MEI1: variants seen among roughly 807,000 people sequenced by gnomAD.
The protein encoded by MEI1 is meiotic double-stranded break formation protein 1, also known as meiosis inhibitor protein 1.
A neutral mutation model predicts 146.2 loss-of-function variants in MEI1; 103 were observed. The observed-to-expected ratio is 0.70, with a 90% confidence interval of 0.60 to 0.83. The LOEUF (loss-of-function observed/expected upper bound fraction) is 0.83. Ranked by LOEUF, MEI1 falls within the 40% of genes least tolerant of loss-of-function variation. The probability of loss-of-function intolerance (pLI) is 0.00; values close to 1 mark genes in which losing one functional copy is unlikely to be tolerated. For missense variants in MEI1, 1,529 were observed against 1,533.0 expected (o/e 1.00, Z 0.04); for synonymous variants, 652 against 628.2 (o/e 1.04, Z -0.57).
At chr22:41,700,318 G>A (rs1012772775) in intron 1 of MEI1, among the ~76,000 whole-genome samples, 4 of 152,208 alleles carry the variant, frequency 2.6e-5, no homozygotes, top group African/African-American at 7.2e-5. Flanking sequence ...ATTGCCTACC[G>A]CGTTTGCAAT....
At chr22:41,739,572 T>A (rs1417635890) in intron 11 of MEI1, among the ~76,000 whole-genome samples, 1 of 136,140 alleles carries the variant, frequency 7.3e-6, no homozygotes, top group African/African-American at 3.6e-5. Flanking sequence ...AAAAATAGCA[T>A]TTACGTGACA....
chr22:41,781,499 T>C, intron 23 of MEI1, 105 bp downstream of exon 23: 1 of 1,182,768 alleles, frequency 8.5e-7, no homozygotes, highest in Non-Finnish European at 1.2e-6. Flanking sequence ...TGTGTGTGGC[T>C]GGTGGTCATA....
At chr22:41,743,277 T>G in intron 12 of MEI1, 83 bp downstream of exon 12, 2 of 949,670 alleles carry the variant, frequency 2.1e-6, no homozygotes, top group South Asian at 3.0e-5. Context: ...CCCTTACTTT[T>G]GTATGCTATT....
At position 41,795,203 on chromosome 22, in the gene MEI1, A is replaced by C. The variant is rs1376938067; in HGVS notation, c.3535-208A>C. On this transcript the variant is annotated intron_variant, in intron 28 of 30. Transcript: ENST00000401548. The surrounding 1 kb of genome is among the most constrained non-coding windows in gnomAD (Gnocchi z 4.2). ...CAAGGCCAAAGGGGTCAGGAGGGCC[A>C]GCTCTCTCAGGATCTCACAGGTTGC... 2.6e-5 allele frequency among the ~76,000 whole-genome samples: 4 copies of C among 152,176 alleles called. No homozygotes were observed. Among genetic ancestry groups the C allele is most frequent in the Non-Finnish European group, 5.9e-5 (4 of 68,034 alleles).
At chr22:41,730,868 A>G (rs1027423699) in intron 9 of MEI1, among the ~76,000 whole-genome samples, 1 of 152,158 alleles carries the variant, frequency 6.6e-6, no homozygotes, top group Non-Finnish European at 1.5e-5. Context: ...CAGCAAGGGA[A>G]GGACACTTCT....
intron 19 of MEI1, among the ~76,000 whole-genome samples, chr22:41,764,799 A>G (rs73426996): frequency 0.019 from 2,827 of 152,288 alleles, 90 homozygotes; most frequent in African/African-American, 0.064. Flanking sequence ...GAAGATACCA[A>G]TACCTTAGAG....
intron 3 of MEI1, among the ~76,000 whole-genome samples, chr22:41,711,235 C>T (rs868067442): frequency 1.3e-5 from 2 of 151,880 alleles, no homozygotes; most frequent in African/African-American, 2.4e-5. Context: ...TGCAGTGGCG[C>T]GATCTCGGCT....
intron 11 of MEI1, among the ~76,000 whole-genome samples, 159 bp downstream of exon 11, chr22:41,732,762 C>A (rs1425977038): frequency 4.0e-5 from 6 of 151,566 alleles, no homozygotes; most frequent in Non-Finnish European, 8.8e-5. Context: ...ATTCAACCAA[C>A]CATGGATTGA....
intron 1 of MEI1, among the ~76,000 whole-genome samples, chr22:41,702,375 A>G (rs2068774921): frequency 6.6e-6 from 1 of 151,872 alleles, no homozygotes; most frequent in Middle Eastern, 3.2e-3. Flanking sequence ...GCCTGACCTC[A>G]GGTGAGCCAC....
intron 21 of MEI1, among the ~76,000 whole-genome samples, chr22:41,777,451 C>G (rs1157297623): frequency 6.6e-6 from 1 of 152,112 alleles, no homozygotes; most frequent in Non-Finnish European, 1.5e-5. Context: ...CTACCACACT[C>G]GGCCTAAAAT....
intron 20 of MEI1, among the ~76,000 whole-genome samples, chr22:41,775,616 C>T (rs2075399436): frequency 7.3e-6 from 1 of 137,710 alleles, no homozygotes; most frequent in African/African-American, 2.7e-5. Context: ...TTTTTTGAGA[C>T]AGAGTTTTGC....
chr22:41,752,626 A>T lies in MEI1; in HGVS notation c.1828A>T (p.Lys610Ter), dbSNP rs75110549. ...SSFIRLTLEL[K>*]ARFCSGLSHS... ...CTTCATACGACTGACCCTGGAGCTG[A>T]AGGCCAGGTTTTGCAGTGGTCTGAG... is the stretch of plus-strand genomic sequence containing the variant. The change falls in exon 16 of 31, where the codon AAG becomes TAG. Residue 610 changes from lysine (K) to a stop codon, truncating the protein, a stop_gained. Coordinates refer to ENST00000401548, the MANE Select transcript of MEI1 (RefSeq NM_152513.4). LOFTEE classifies it high-confidence loss of function. 1.9e-6 allele frequency: 3 copies of T among 1,599,758 alleles called. No homozygotes were observed. The highest frequency in any genetic ancestry group is 2.7e-5 in the African/African-American group (2 of 74,818).
At chr22:41,736,352 C>A (rs1489182951) in intron 11 of MEI1, among the ~76,000 whole-genome samples, 1 of 151,586 alleles carries the variant, frequency 6.6e-6, no homozygotes, top group Non-Finnish European at 1.5e-5. Context: ...CGGGTTCACG[C>A]CATTCTCCCG....
At chr22:41,730,880 T>G (rs2071798733) in intron 9 of MEI1, among the ~76,000 whole-genome samples, 1 of 152,180 alleles carries the variant, frequency 6.6e-6, no homozygotes, top group South Asian at 2.1e-4. Flanking sequence ...GACACTTCTT[T>G]TAGCCACTAA....
intron 30 of MEI1, among the ~76,000 whole-genome samples, chr22:41,797,457 C>T (rs1432676411): frequency 1.3e-5 from 2 of 151,984 alleles, no homozygotes; most frequent in East Asian, 1.9e-4. Context: ...ACTAAAAATA[C>T]AAAAATTAGT....
rs370947463 is a variant in MEI1 at position 41,776,293 on chromosome 22, A to G, written c.2710+26A>G. On this transcript the variant is annotated intron_variant, in intron 21 of 30. Coordinates refer to ENST00000401548, the MANE Select transcript of MEI1 (RefSeq NM_152513.4). Reference sequence around the variant, plus strand: ...GTCAGTCTGCAGGTGCTGTGGGCACACTTTGACCTGAAAGCCAGTCGAGAA... The same window carrying G: ...GTCAGTCTGCAGGTGCTGTGGGCACGCTTTGACCTGAAAGCCAGTCGAGAA... The G allele has an allele frequency of 2.6e-4, 417 of 1,611,510 alleles. 1 individual carries two copies. The highest frequency in any genetic ancestry group is 3.3e-4 in the Non-Finnish European group (388 of 1,179,174).
chr22:41,745,301 G>C (rs886294782), intron 13 of MEI1, among the ~76,000 whole-genome samples: 1 of 152,140 alleles, frequency 6.6e-6, no homozygotes, highest in Non-Finnish European at 1.5e-5. Context: ...TGTGCCATGA[G>C]GTTGTGTCTT....
intron 11 of MEI1, among the ~76,000 whole-genome samples, chr22:41,733,667 C>T (rs1047668063): frequency 6.6e-6 from 1 of 151,388 alleles, no homozygotes; most frequent in African/African-American, 2.4e-5. Context: ...AGAATTGCTG[C>T]AGAGGTTGTA....
At chr22:41,740,601 A>G (rs1254787719) in intron 11 of MEI1, among the ~76,000 whole-genome samples, 1 of 152,022 alleles carries the variant, frequency 6.6e-6, no homozygotes. Flanking sequence ...AGCTTGGTGT[A>G]TGCCTGTAGT....
Sources: gnomAD v4.1 joint callset for allele counts (sites outside exome capture counted in the v4.1 genomes callset) on GRCh38, gnomAD v4.1.1 for gene constraint, Gnocchi (gnomAD v3.1) non-coding constraint, MANE v1.5 for transcripts, NCBI Gene and HGNC (gene_info 2026-07-23, HGNC 2026-07-21) for gene names.